SOX6: variants seen among roughly 807,000 people sequenced by gnomAD.
The protein encoded by SOX6 is SRY-box transcription factor 6.
Under a neutral mutation model 97.8 loss-of-function variants are expected in SOX6, and 11 were observed. The observed-to-expected ratio is 0.11, with a 90% CI of 0.07 to 0.19. The LOEUF is 0.19. Among genes scored for constraint, SOX6 ranks in the 10% least tolerant of loss-of-function variants. The probability of loss-of-function intolerance (pLI) is 1.00; values close to 1 mark genes in which losing one functional copy is unlikely to be tolerated. For missense variants in SOX6, 810 were observed against 1,039.5 expected (o/e 0.78, Z 3.04); for synonymous variants, 360 against 371.4 (o/e 0.97, Z 0.35).
chr11:16,230,830 C>T lies in SOX6; in HGVS notation c.535+3752G>A, dbSNP rs550380014. On this transcript the variant is annotated intron_variant, in intron 4 of 15. Coordinates refer to ENST00000683767, the MANE Select transcript of SOX6 (RefSeq NM_001367873.1). ...TTACAGTGATTAATATAGCATAGTACTAATAAAAGTTTAGATGGAAAAATC... is the reference window on the plus strand; with the variant it reads ...TTACAGTGATTAATATAGCATAGTATTAATAAAAGTTTAGATGGAAAAATC... Among the ~76,000 whole-genome samples, 5 of 151,526 alleles carry T rather than the reference C, an allele frequency of 3.3e-5. No individual in the cohort carries two copies. The East Asian group carries it at 9.7e-4, about 29-fold the overall frequency.
intron 6 of SOX6, among the ~76,000 whole-genome samples, chr11:16,173,787 A>G (rs2134087612): frequency 6.6e-6 from 1 of 151,044 alleles, no homozygotes; most frequent in South Asian, 2.1e-4. Flanking sequence ...TTTTTCTTAA[A>G]TTTCTAACAT....
intron 4 of SOX6, among the ~76,000 whole-genome samples, chr11:16,606,904 G>C (rs771889774): frequency 4.3e-4 from 65 of 152,292 alleles, no homozygotes; most frequent in Non-Finnish European, 5.1e-4. Flanking sequence ...TCTCCAAGAG[G>C]GGGACGCATC....
chr11:16,072,390 A>G (rs144214398), intron 9 of SOX6, among the ~76,000 whole-genome samples: 291 of 152,266 alleles, frequency 1.9e-3, no homozygotes, highest in African/African-American at 6.8e-3. Context: ...TCAGACAAAA[A>G]CAAAAAAATA....
chr11:16,696,262 G>A (rs1168057276), intron 3 of SOX6, among the ~76,000 whole-genome samples: 4 of 152,042 alleles, frequency 2.6e-5, no homozygotes, highest in South Asian at 2.1e-4. Flanking sequence ...CTTAAGTTCC[G>A]GTCTCAGTTC....
intron 3 of SOX6, among the ~76,000 whole-genome samples, chr11:16,263,870 C>CT (rs1853981762): frequency 6.6e-6 from 1 of 151,906 alleles, no homozygotes; most frequent in South Asian, 2.1e-4. Flanking sequence ...TTTATATTCT[C>CT]TATCTCTCCC....
intron 3 of SOX6, among the ~76,000 whole-genome samples, chr11:16,661,094 T>G (rs1847762621): frequency 6.6e-6 from 1 of 152,224 alleles, no homozygotes; most frequent in African/African-American, 2.4e-5. Context: ...CTCCTTGTAG[T>G]TCTATCAGTT....
intron 4 of SOX6, among the ~76,000 whole-genome samples, chr11:16,190,089 T>C (rs1205832771): frequency 2.6e-5 from 4 of 152,224 alleles, no homozygotes; most frequent in Admixed American, 6.5e-5. Context: ...AAAAGATTTA[T>C]AAATGCATTG....
At chr11:16,422,583 G>T (rs907183088) in intron 1 of SOX6, among the ~76,000 whole-genome samples, 3 of 152,038 alleles carry the variant, frequency 2.0e-5, no homozygotes, top group African/African-American at 7.2e-5. Flanking sequence ...GAGTTAATTC[G>T]CACTCCCTTC....
upstream of SOX6, among the ~76,000 whole-genome samples, chr11:16,359,938 G>T (rs1857166563): frequency 6.6e-6 from 1 of 152,184 alleles, no homozygotes; most frequent in Non-Finnish European, 1.5e-5. Flanking sequence ...GTGAGGCTTA[G>T]AAGTGGTTAA....
At chr11:16,562,424 T>A (rs1359499750) in intron 4 of SOX6, among the ~76,000 whole-genome samples, 2 of 152,168 alleles carry the variant, frequency 1.3e-5, no homozygotes, top group African/African-American at 4.8e-5. Context: ...CAAAAAAGTT[T>A]GCTCTCTCTA....
chr11:16,730,174 T>C (rs1352505118), intron 2 of SOX6, among the ~76,000 whole-genome samples: 1 of 151,944 alleles, frequency 6.6e-6, no homozygotes, highest in Non-Finnish European at 1.5e-5. Flanking sequence ...ACTGTCAATA[T>C]TAGAAAGATC....
At chr11:16,737,372 A>T (rs1385882899) in intron 1 of SOX6, among the ~76,000 whole-genome samples, 1 of 151,944 alleles carries the variant, frequency 6.6e-6, no homozygotes, top group African/African-American at 2.4e-5. Flanking sequence ...ATGCCAGGCT[A>T]ATTTTTGTAT....
intron 6 of SOX6, among the ~76,000 whole-genome samples, chr11:16,142,983 T>G (rs1022088697): frequency 3.9e-5 from 6 of 151,994 alleles, no homozygotes; most frequent in African/African-American, 1.5e-4. Context: ...AACATTCAAA[T>G]TCAGGAAATA....
chr11:16,285,236 T>C (rs965173903), intron 3 of SOX6, among the ~76,000 whole-genome samples: 2 of 152,168 alleles, frequency 1.3e-5, no homozygotes, highest in Admixed American at 1.3e-4. Context: ...AGAATAATTG[T>C]AAAAAATATT....
chr11:15,994,121 G>T (rs1220926354), intron 13 of SOX6, among the ~76,000 whole-genome samples: 1 of 152,128 alleles, frequency 6.6e-6, no homozygotes, highest in African/African-American at 2.4e-5. Flanking sequence ...AAGGAATTTG[G>T]TCCAATGGGA....
At chr11:16,477,664 A>G (rs1353822313), upstream of SOX6, among the ~76,000 whole-genome samples, 5 of 152,354 alleles carry the variant, frequency 3.3e-5, no homozygotes, top group East Asian at 9.6e-4. Context: ...CAGCCTAGGC[A>G]ACATCTCTAA....
At position 16,631,510 on chromosome 11, in the gene SOX6, A is replaced by AT. The variant is rs550809787; in HGVS notation, n.430-19251dup. On this transcript the variant is annotated intron_variant and non_coding_transcript_variant, in intron 3 of 5. Coordinates refer to the SOX6 transcript ENST00000524520. The stretch of plus-strand genomic sequence containing the variant: ...TGACCTTTCTCTAGTTGCCTTTAAG[A>AT]TTTTTTCTTTAGCATTGACCTTGGA... Among the ~76,000 whole-genome samples the AT allele has an allele frequency of 7.9e-3, 1,199 of 151,994 alleles. 14 individuals carry two copies. The highest frequency in any genetic ancestry group is 0.028 in the African/African-American group (1,142 of 41,444).
At chr11:16,152,574 A>G (rs994122623) in intron 6 of SOX6, among the ~76,000 whole-genome samples, 13 of 152,224 alleles carry the variant, frequency 8.5e-5, no homozygotes, top group Non-Finnish European at 1.6e-4. Context: ...ACTGATCTGA[A>G]CTACCATGCC....
intron 4 of SOX6, among the ~76,000 whole-genome samples, chr11:16,588,544 G>T: frequency 6.6e-6 from 1 of 152,094 alleles, no homozygotes; most frequent in African/African-American, 2.4e-5. Context: ...GGAAGGCTGG[G>T]TGCAGAAACA....
Sources: gnomAD v4.1 joint callset for allele counts (sites outside exome capture counted in the v4.1 genomes callset) on GRCh38, gnomAD v4.1.1 for gene constraint, MANE v1.5 for transcripts, NCBI Gene and HGNC (gene_info 2026-07-23, HGNC 2026-07-21) for gene names.